BICC1: variants seen among roughly 807,000 people sequenced by gnomAD.
The protein encoded by BICC1 is BicC family RNA binding protein 1, also known as protein bicaudal C homolog 1.
BICC1 carries 43 observed loss-of-function variants against 111.0 expected under a neutral mutation model. That is an observed-to-expected ratio of 0.39 (90% CI 0.30 to 0.50). The LOEUF (loss-of-function observed/expected upper bound fraction) is 0.50. Ranked by LOEUF, BICC1 falls within the 20% of genes least tolerant of loss-of-function variation. The pLI, the probability that BICC1 is intolerant of heterozygous loss-of-function variation, is 0.88. For missense variants in BICC1, 1,091 were observed against 1,203.2 expected (o/e 0.91, Z 1.38); for synonymous variants, 467 against 434.4 (o/e 1.07, Z -0.93).
intron 2 of BICC1, among the ~76,000 whole-genome samples, chr10:58,695,086 G>T (rs1346345446): frequency 6.6e-6 from 1 of 152,152 alleles, no homozygotes; most frequent in African/African-American, 2.4e-5. Context: ...AGGAATAAAT[G>T]GAAAATGTAT....
At chr10:58,682,094 A>G (rs1475250881) in intron 2 of BICC1, among the ~76,000 whole-genome samples, 3 of 135,182 alleles carry the variant, frequency 2.2e-5, no homozygotes, top group Non-Finnish European at 4.6e-5. Context: ...TTCAGTTCCC[A>G]CCTGTGAGTG....
chr10:58,800,080 G>A (rs1843491353), intron 12 of BICC1, 114 bp from the exon 13 acceptor site: 6 of 700,092 alleles, frequency 8.6e-6, no homozygotes, highest in Non-Finnish European at 1.4e-5. Flanking sequence ...TTAGTTAGAA[G>A]TATTCCAGGG....
chr10:58,774,910 T>C (rs1842709472), intron 3 of BICC1, among the ~76,000 whole-genome samples: 1 of 152,184 alleles, frequency 6.6e-6, no homozygotes, highest in Non-Finnish European at 1.5e-5. Context: ...TAAAATTATT[T>C]TTAGGAGCTC....
intron 3 of BICC1, among the ~76,000 whole-genome samples, chr10:58,709,590 C>G (rs1319063146): frequency 6.6e-6 from 1 of 152,190 alleles, no homozygotes; most frequent in Non-Finnish European, 1.5e-5. Flanking sequence ...TCAACTCAAT[C>G]ATGGAAACAG....
Position 58,793,615 on chromosome 10 carries a change from G to C in BICC1, c.1179G>C (p.Lys393Asn). 2 of 1,613,414 alleles carry C rather than the reference G, an allele frequency of 1.2e-6. No homozygotes were observed. The highest frequency in any genetic ancestry group is 8.5e-7 in the Non-Finnish European group (1 of 1,179,760). ...SIKPKPKQPSKSVIVKSVERN... is the reference protein window; with the variant it reads ...SIKPKPKQPSNSVIVKSVERN... ...AACCAAAGCCCAAACAGCCAAGCAA[G>C]GTTGGTTCAGAGTCTGAATCCAGAG... Residue 393 changes from lysine to asparagine, a missense_variant and splice_region_variant, in exon 9 of 21, where the codon AAG becomes AAC. Coordinates refer to ENST00000373886, the MANE Select transcript of BICC1 (RefSeq NM_001080512.3).
intron 2 of BICC1, among the ~76,000 whole-genome samples, chr10:58,693,831 A>C (rs1333162059): frequency 6.6e-6 from 1 of 151,680 alleles, no homozygotes; most frequent in East Asian, 1.9e-4. Context: ...CTCTGATGGT[A>C]GTTTCTTTTG....
At chr10:58,737,565 G>T (rs992872216) in intron 3 of BICC1, among the ~76,000 whole-genome samples, 1 of 152,160 alleles carries the variant, frequency 6.6e-6, no homozygotes, top group African/African-American at 2.4e-5. Context: ...ACATAGGTGT[G>T]CATGTGTCTT....
chr10:58,608,361 GTACCA>G (rs1353197711), intron 1 of BICC1, among the ~76,000 whole-genome samples: 1 of 152,090 alleles, frequency 6.6e-6, no homozygotes, highest in Non-Finnish European at 1.5e-5. Flanking sequence ...CCCCTGGCCT[GTACCA>G]TCTGGCTCCT....
At chr10:58,532,484 T>G (rs1554802643) in intron 1 of BICC1, among the ~76,000 whole-genome samples, 1 of 151,826 alleles carries the variant, frequency 6.6e-6, no homozygotes, top group Non-Finnish European at 1.5e-5. Context: ...GTGAAATTAT[T>G]GATACTTTAC....
At chr10:58,647,592 A>C (rs1194483227) in intron 2 of BICC1, among the ~76,000 whole-genome samples, 1 of 152,138 alleles carries the variant, frequency 6.6e-6, no homozygotes, top group Non-Finnish European at 1.5e-5. Flanking sequence ...CACTCCTAAA[A>C]ACCATCATCT....
At chr10:58,814,072 C>T (rs1218204839) in intron 18 of BICC1, 86 bp downstream of exon 18, 1 of 1,469,794 alleles carries the variant, frequency 6.8e-7, no homozygotes, top group African/African-American at 1.4e-5. Flanking sequence ...ACTGTGGCCT[C>T]TCTGACTTCA....
At chr10:58,814,157 TTC>T (rs1472928075) in intron 18 of BICC1, 171 bp downstream of exon 18, 5 of 752,808 alleles carry the variant, frequency 6.6e-6, no homozygotes, top group Non-Finnish European at 1.2e-5. Flanking sequence ...GGCCACCTGG[TTC>T]TCTTTCCTCT....
intron 1 of BICC1, among the ~76,000 whole-genome samples, chr10:58,606,843 T>G (rs1297303745): frequency 2.6e-5 from 4 of 152,230 alleles, no homozygotes; most frequent in Non-Finnish European, 5.9e-5. Flanking sequence ...TTTCTTTGAT[T>G]AAAAATACAT....
intron 6 of BICC1, among the ~76,000 whole-genome samples, chr10:58,788,627 T>C (rs569964693): frequency 6.6e-6 from 1 of 152,344 alleles, no homozygotes; most frequent in East Asian, 1.9e-4. Context: ...TTCTATGTTA[T>C]TTATAAAATT....
At chr10:58,582,589 C>G (rs1844313234) in intron 1 of BICC1, among the ~76,000 whole-genome samples, 1 of 152,184 alleles carries the variant, frequency 6.6e-6, no homozygotes, top group Non-Finnish European at 1.5e-5. Context: ...ACCTTAGTGG[C>G]TTAAACCAAT....
At chr10:58,697,846 A>G (rs1028147787) in intron 2 of BICC1, among the ~76,000 whole-genome samples, 1 of 151,288 alleles carries the variant, frequency 6.6e-6, no homozygotes, top group Non-Finnish European at 1.5e-5. Flanking sequence ...CGGATGCAAT[A>G]ATCTAGCTCC....
intron 1 of BICC1, among the ~76,000 whole-genome samples, chr10:58,549,568 A>T (rs990369276): frequency 6.7e-6 from 1 of 150,026 alleles, no homozygotes; most frequent in East Asian, 1.9e-4. Flanking sequence ...ATCTTTTCGT[A>T]TGCTTATTTG....
intron 3 of BICC1, among the ~76,000 whole-genome samples, chr10:58,732,291 A>G (rs904735453): frequency 1.4e-5 from 2 of 147,268 alleles, no homozygotes; most frequent in Admixed American, 1.4e-4. Flanking sequence ...AGAAAGAAGG[A>G]GAAGAGAGGA....
intron 2 of BICC1, among the ~76,000 whole-genome samples, chr10:58,631,580 A>G (rs1332241199): frequency 6.6e-6 from 1 of 151,982 alleles, no homozygotes; most frequent in African/African-American, 2.4e-5. Context: ...TACTTTTGTC[A>G]CCCTGGATTA....
Sources: gnomAD v4.1 joint callset for allele counts (sites outside exome capture counted in the v4.1 genomes callset) on GRCh38, gnomAD v4.1.1 for gene constraint, MANE v1.5 for transcripts, NCBI Gene and HGNC (gene_info 2026-07-23, HGNC 2026-07-21) for gene names.